TEX36: variants seen among roughly 807,000 people sequenced by gnomAD.
The protein encoded by TEX36 is testis expressed 36.
In TEX36, 12 loss-of-function variants were observed where a neutral mutation model predicts 13.6. That is an observed-to-expected ratio of 0.88 (90% confidence interval 0.56 to 1.43). The LOEUF (loss-of-function observed/expected upper bound fraction) is 1.43, where lower values mean the gene tolerates loss of function less well. Among genes scored for constraint, TEX36 ranks in the 40% most tolerant of loss-of-function variants. The probability of loss-of-function intolerance (pLI) is 0.00; values close to 1 mark genes in which losing one functional copy is unlikely to be tolerated. For synonymous variants in TEX36, 93 were observed against 83.0 expected (o/e 1.12, Z -0.65); for missense variants, 224 against 228.3 (o/e 0.98, Z 0.12).
At chr10:125,612,055 C>CCTTTT (rs1164463487) in intron 3 of TEX36, among the ~76,000 whole-genome samples, 57 of 151,468 alleles carry the variant, frequency 3.8e-4, no homozygotes, top group South Asian at 1.9e-3. Context: ...TTTTCCACTC[C>CCTTTT]CTTTTCTTTT....
At position 125,578,474 on chromosome 10, in the gene TEX36, A is replaced by C. The variant is rs187155140; in HGVS notation, c.265-1600T>G. 10 of 152,210 alleles carry C rather than the reference A, an allele frequency of 6.6e-5. No individual in the cohort carries two copies. The East Asian group carries it at 1.9e-3, about 29-fold the overall frequency. The allele number at this position is 152,210 out of a possible 1,614,324, so 9.4% of individuals were successfully genotyped here. A position where few individuals can be genotyped will look rare whatever the true frequency, so the allele number is the denominator to read the frequency against. ...AATTTTCAGTCATTCTTTGACTTGA[A>C]TTTTCTTTTTTCCCAAGATAACATG... On this transcript the variant is annotated intron_variant, in intron 3 of 3. Transcript: ENST00000532135.
chr10:125,632,969 A>T (rs1263425442), intron 3 of TEX36, among the ~76,000 whole-genome samples: 1 of 152,138 alleles, frequency 6.6e-6, no homozygotes, highest in Non-Finnish European at 1.5e-5. Context: ...CTGAAAATAC[A>T]AAAATTAGCT....
At chr10:125,619,411 C>A (rs1846400347), downstream of TEX36, among the ~76,000 whole-genome samples, 1 of 152,052 alleles carries the variant, frequency 6.6e-6, no homozygotes, top group African/African-American at 2.4e-5. Flanking sequence ...GCCCCAACAC[C>A]ACCACCCACA....
intron 1 of TEX36, among the ~76,000 whole-genome samples, chr10:125,673,429 G>A (rs921339136): frequency 4.6e-5 from 7 of 152,082 alleles, no homozygotes; most frequent in Non-Finnish European, 1.0e-4. Context: ...TAAGAATGTT[G>A]AGGCTGGGCA....
chr10:125,622,102 A>G (rs1442408892), intron 3 of TEX36, among the ~76,000 whole-genome samples: 1 of 152,114 alleles, frequency 6.6e-6, no homozygotes, highest in Admixed American at 6.5e-5. Flanking sequence ...TAACCATCAC[A>G]AGTCTACCCA....
chr10:125,648,213 G>T (rs1846801712), intron 3 of TEX36, among the ~76,000 whole-genome samples: 1 of 152,208 alleles, frequency 6.6e-6, no homozygotes, highest in African/African-American at 2.4e-5. Context: ...CCTCAAGTGG[G>T]TCCCTGACCC....
intron 3 of TEX36, among the ~76,000 whole-genome samples, chr10:125,593,934 TA>T (rs1465961663): frequency 6.6e-6 from 1 of 152,214 alleles, no homozygotes; most frequent in Non-Finnish European, 1.5e-5. Flanking sequence ...ACCTGAATTT[TA>T]AAAGAGAAAA....
At chr10:125,648,687 G>A (rs560593126) in intron 3 of TEX36, among the ~76,000 whole-genome samples, 1 of 152,158 alleles carries the variant, frequency 6.6e-6, no homozygotes, top group South Asian at 2.1e-4. Flanking sequence ...GGCTTCAGAC[G>A]ATCAGTAATA....
At chr10:125,674,249 G>A (rs1847278413) in intron 1 of TEX36, among the ~76,000 whole-genome samples, 1 of 152,160 alleles carries the variant, frequency 6.6e-6, no homozygotes, top group Non-Finnish European at 1.5e-5. Context: ...ACGTTTTCAT[G>A]TTGAGTTTTT....
At chr10:125,580,777 G>A (rs1037725194) in intron 3 of TEX36, among the ~76,000 whole-genome samples, 12 of 152,088 alleles carry the variant, frequency 7.9e-5, no homozygotes, top group African/African-American at 2.4e-4. Context: ...ACCCATCCCG[G>A]CCCAATCATA....
At chr10:125,647,834 A>G (rs751790839) in intron 3 of TEX36, among the ~76,000 whole-genome samples, 4 of 152,238 alleles carry the variant, frequency 2.6e-5, no homozygotes, top group Non-Finnish European at 4.4e-5. Flanking sequence ...TGGCCTTAGC[A>G]AACAGCACAC....
chr10:125,653,353 C>T (rs539448977), downstream of TEX36, among the ~76,000 whole-genome samples: 149 of 151,568 alleles, frequency 9.8e-4, no homozygotes, highest in African/African-American at 1.9e-3. Context: ...TGGATGAAGC[C>T]GGAAAACATC....
At chr10:125,632,329 T>G (rs748930603) in intron 3 of TEX36, among the ~76,000 whole-genome samples, 114 of 152,138 alleles carry the variant, frequency 7.5e-4, no homozygotes, top group Non-Finnish European at 2.9e-4. Flanking sequence ...GATATTTATC[T>G]GGTGAAATCC....
At chr10:125,619,925 T>C (rs1299039924), downstream of TEX36, among the ~76,000 whole-genome samples, 1 of 151,988 alleles carries the variant, frequency 6.6e-6, no homozygotes, top group Non-Finnish European at 1.5e-5. Flanking sequence ...ATATATCACC[T>C]AGGTGCATGT....
At chr10:125,609,942 CA>C (rs1158586029) in intron 3 of TEX36, among the ~76,000 whole-genome samples, 1 of 152,188 alleles carries the variant, frequency 6.6e-6, no homozygotes, top group Non-Finnish European at 1.5e-5. Context: ...AGAGGCTGGA[CA>C]AAACCTGCCA....
At chr10:125,618,947 A>G (rs1361985406), downstream of TEX36, among the ~76,000 whole-genome samples, 2 of 122,380 alleles carry the variant, frequency 1.6e-5, no homozygotes, top group East Asian at 4.8e-4. Flanking sequence ...TCTACTAAAA[A>G]AAAAAAAAAA....
At chr10:125,637,184 C>T (rs1729031098) in intron 3 of TEX36, among the ~76,000 whole-genome samples, 1 of 151,818 alleles carries the variant, frequency 6.6e-6, no homozygotes, top group Admixed American at 6.6e-5. Context: ...TGGTAGACAC[C>T]TGTGGTCTCA....
At chr10:125,579,309 A>T (rs1263369287) in intron 3 of TEX36, among the ~76,000 whole-genome samples, 1 of 152,180 alleles carries the variant, frequency 6.6e-6, no homozygotes. Context: ...CCTTCTTCAC[A>T]AGGCAGCAGG....
intron 3 of TEX36, among the ~76,000 whole-genome samples, chr10:125,642,748 T>C (rs1274677171): frequency 6.6e-6 from 1 of 152,232 alleles, no homozygotes; most frequent in Admixed American, 6.5e-5. Flanking sequence ...CCAACACCTC[T>C]CTAATACTTA....
Sources: allele counts gnomAD v4.1 joint callset (sites outside exome capture counted in the v4.1 genomes callset), GRCh38; gene constraint gnomAD v4.1.1; transcripts MANE v1.5; gene names NCBI Gene and HGNC (gene_info 2026-07-23, HGNC 2026-07-21).